SMUG1: variants seen among roughly 807,000 people sequenced by gnomAD.
SMUG1 encodes the protein single-strand selective monofunctional uracil DNA glycosylase.
A neutral mutation model predicts 23.9 loss-of-function variants in SMUG1; 13 were observed. The observed-to-expected ratio is 0.54, with a 90% CI of 0.35 to 0.86. The LOEUF is 0.86. Among genes scored for constraint, SMUG1 ranks in the 40% least tolerant of loss-of-function variants. The pLI is 0.01. For synonymous variants in SMUG1, 133 were observed against 139.8 expected (o/e 0.95, Z 0.34); for missense variants, 313 against 339.5 (o/e 0.92, Z 0.61).
downstream of SMUG1, among the ~76,000 whole-genome samples, chr12:54,159,752 G>T (rs1241006640): frequency 6.6e-6 from 1 of 152,010 alleles, no homozygotes; most frequent in South Asian, 2.1e-4. Context: ...GTCGGTGCAG[G>T]TGCATTTTTG....
intron 2 of SMUG1, among the ~76,000 whole-genome samples, chr12:54,186,241 C>A (rs776621648): frequency 6.6e-6 from 1 of 152,204 alleles, no homozygotes; most frequent in Non-Finnish European, 1.5e-5. Flanking sequence ...ATAAAGTCTT[C>A]CCTCCTCAGA....
At chr12:54,160,667 C>G (rs75385423), downstream of SMUG1, among the ~76,000 whole-genome samples, 242 of 152,332 alleles carry the variant, frequency 1.6e-3, 5 homozygotes, top group East Asian at 0.043. Flanking sequence ...GATCCTGGAA[C>G]AGGTGGCCCT....
At position 54,181,936 on chromosome 12, in the gene SMUG1, G is replaced by T; in HGVS notation, c.*160C>A. 6.8e-7 allele frequency: 1 copy of T among 1,467,966 alleles called. No individual in the cohort carries two copies. Among genetic ancestry groups the T allele is most frequent in the Admixed American group, 2.7e-5 (1 of 37,218 alleles). The allele number at this position is 1,467,966 out of a possible 1,614,324, so 90.9% of individuals were successfully genotyped here. ...CAGGAGTAGTGTCAAAACTGCCATG[G>T]CAGGTTGGAAGACAGTTCAACAGAT... On this transcript the variant is annotated 3_prime_UTR_variant, in exon 4 of 4. Transcript: ENST00000682136.
At position 54,183,730 on chromosome 12, in the gene SMUG1, G is replaced by C. The variant is rs151095150; in HGVS notation, c.211C>G (p.Arg71Gly). The part of the protein sequence containing the change: ...AWEPHRNYVT[R>G]YCQGPKEVLF... ...ACTTCCTTGGGGCCCTGGCAGTAGC[G>C]AGTCACGTAGTTGCGATGTGGCTCC... Residue 71 changes from arginine (R) to glycine (G), a missense_variant, in exon 3 of 4, where the codon CGC (arginine) becomes GGC (glycine). Transcript: ENST00000682136. The C allele has an allele frequency of 4.2e-5, 67 of 1,614,072 alleles. No individual in the cohort carries two copies. The African/African-American group carries it at 8.0e-4, about 19-fold the overall frequency.
intron 2 of SMUG1, 180 bp from the exon 3 acceptor site, chr12:54,184,139 C>A: frequency 2.1e-6 from 1 of 476,136 alleles, no homozygotes; most frequent in Non-Finnish European, 3.7e-6. Context: ...TAATGAAGGG[C>A]CCTTTCCCTC....
intron 2 of SMUG1, among the ~76,000 whole-genome samples, chr12:54,186,351 T>C (rs920963120): frequency 7.7e-5 from 2 of 25,866 alleles, no homozygotes; most frequent in Non-Finnish European, 1.8e-4. Context: ...TTTTGTTTTG[T>C]TTTTTTTTTG....
chr12:54,161,500 C>T (rs762293957), downstream of SMUG1, among the ~76,000 whole-genome samples: 5 of 152,126 alleles, frequency 3.3e-5, no homozygotes, highest in Non-Finnish European at 5.9e-5. The surrounding 1 kb of genome is among the most constrained non-coding windows in gnomAD (Gnocchi z 4.2). Context: ...GCAGGATGCT[C>T]AACAGAGTTT....
At chr12:54,178,155 C>G (rs1940799732), downstream of SMUG1, among the ~76,000 whole-genome samples, 1 of 152,164 alleles carries the variant, frequency 6.6e-6, no homozygotes, top group Non-Finnish European at 1.5e-5. Flanking sequence ...CATCTTGATC[C>G]TGGACTTAAC....
At chr12:54,167,186 C>T (rs903459558) in intron 3 of SMUG1, among the ~76,000 whole-genome samples, 5 of 152,198 alleles carry the variant, frequency 3.3e-5, no homozygotes, top group African/African-American at 9.6e-5. Flanking sequence ...ATGTTACTAG[C>T]TCACCCACCA....
Position 54,183,706 on chromosome 12 carries a change from C to T in SMUG1, c.235G>A (p.Val79Ile), listed in dbSNP as rs1488014415. Reference protein sequence around the residue: ...VTRYCQGPKEVLFLGMNPGPF... With the variant: ...VTRYCQGPKEILFLGMNPGPF... Reference sequence around the variant, plus strand: ...CCAGGGTTCATGCCCAGGAAGAGTACTTCCTTGGGGCCCTGGCAGTAGCGA... The same window carrying T: ...CCAGGGTTCATGCCCAGGAAGAGTATTTCCTTGGGGCCCTGGCAGTAGCGA... Residue 79 changes from valine (V) to isoleucine (I), a missense_variant, in exon 3 of 4, where the codon GTA becomes ATA. Coordinates refer to ENST00000682136, the MANE Select transcript of SMUG1 (RefSeq NM_001243787.2). 1.2e-6 allele frequency: 2 copies of T among 1,613,842 alleles called. No homozygotes were observed. The highest frequency in any genetic ancestry group is 2.2e-5 in the East Asian group (1 of 44,880).
rs1400101803 is a variant in SMUG1 at position 54,187,844 on chromosome 12, G to A, written c.-45C>T. 6.6e-6 allele frequency: 1 copy of A among 151,692 alleles called. No homozygotes were observed. Among genetic ancestry groups the A allele is most frequent in the Non-Finnish European group, 1.5e-5 (1 of 68,000 alleles). The allele number at this position is 151,692 out of a possible 1,614,324, so 9.4% of individuals were successfully genotyped here. ...ATGACAGGCACTGCAGCAGTCTCTT[G>A]ATGAGGAAGAAATCCAAAAAGAGTA... On this transcript the variant is annotated 5_prime_UTR_variant, in exon 2 of 4. Coordinates refer to ENST00000682136, the MANE Select transcript of SMUG1 (RefSeq NM_001243787.2).
At chr12:54,167,664 A>G (rs1940514262) in intron 3 of SMUG1, among the ~76,000 whole-genome samples, 1 of 152,176 alleles carries the variant, frequency 6.6e-6, no homozygotes, top group Non-Finnish European at 1.5e-5. Flanking sequence ...CTTAATGCAG[A>G]ACCACACTGA....
chr12:54,176,556 C>T (rs2136554290), downstream of SMUG1, among the ~76,000 whole-genome samples: 2 of 134,498 alleles, frequency 1.5e-5, no homozygotes, highest in Middle Eastern at 9.2e-3. Flanking sequence ...CCTGTGATCC[C>T]AGCACTTTGG....
downstream of SMUG1, among the ~76,000 whole-genome samples, chr12:54,177,678 T>C (rs922406098): frequency 6.6e-6 from 1 of 152,040 alleles, no homozygotes; most frequent in African/African-American, 2.4e-5. Context: ...ACAATGACTT[T>C]CCTTTCCCTA....
At chr12:54,178,837 A>C (rs1401437568), downstream of SMUG1, among the ~76,000 whole-genome samples, 3 of 152,174 alleles carry the variant, frequency 2.0e-5, no homozygotes, top group South Asian at 6.2e-4. Context: ...TATTAGCAGA[A>C]GAGATTAACA....
intron 2 of SMUG1, among the ~76,000 whole-genome samples, chr12:54,186,395 T>G (rs1592416745): frequency 6.6e-6 from 1 of 151,522 alleles, no homozygotes. Context: ...CAGACTGGAG[T>G]GCAGTGGCGC....
Position 54,158,538 on chromosome 12 carries a change from T to C in SMUG1, n.687+6836A>G, listed in dbSNP as rs116237944. Among the ~76,000 whole-genome samples, 855 of 152,200 alleles carry C rather than the reference T, an allele frequency of 5.6e-3. 2 individuals carry two copies. The highest frequency in any genetic ancestry group is 0.02 in the African/African-American group (823 of 41,508). ...CCCATTGCACTGGGGTGTTGTTGAA[T>C]ACATGCCTCTGCCCCCTAACACCTC... On this transcript the variant is annotated intron_variant and non_coding_transcript_variant, in intron 4 of 5. Coordinates refer to the SMUG1 transcript ENST00000634429.
downstream of SMUG1, among the ~76,000 whole-genome samples, chr12:54,160,907 C>T (rs919034696): frequency 2.6e-5 from 4 of 152,226 alleles, no homozygotes; most frequent in African/African-American, 9.7e-5. Flanking sequence ...CCGCCACCAG[C>T]GTGGCACCGG....
At chr12:54,185,621 G>A (rs1349715734) in intron 2 of SMUG1, among the ~76,000 whole-genome samples, 1 of 151,866 alleles carries the variant, frequency 6.6e-6, no homozygotes, top group Non-Finnish European at 1.5e-5. Context: ...GATCAACCTG[G>A]CCAACATGGT....
Sources: allele counts gnomAD v4.1 joint callset (sites outside exome capture counted in the v4.1 genomes callset), GRCh38; gene constraint gnomAD v4.1.1; non-coding constraint Gnocchi (gnomAD v3.1); transcripts MANE v1.5; gene names NCBI Gene and HGNC (gene_info 2026-07-23, HGNC 2026-07-21).